The following ANKS1B variants were observed in gnomAD, a reference collection of about 807,000 sequenced individuals.
ANKS1B encodes ankyrin repeat and sterile alpha motif domain containing 1B.
In ANKS1B, 36 loss-of-function variants were observed where a neutral mutation model predicts 148.3. That is an observed-to-expected ratio of 0.24 (90% CI 0.19 to 0.32). The LOEUF is 0.32. Among genes scored for constraint, ANKS1B ranks in the 10% least tolerant of loss-of-function variants. The probability of loss-of-function intolerance (pLI) is 1.00; values close to 1 mark genes in which losing one functional copy is unlikely to be tolerated. For synonymous variants in ANKS1B, 542 were observed against 560.8 expected (o/e 0.97, Z 0.47); for missense variants, 1,157 against 1,542.6 (o/e 0.75, Z 4.19).
At chr12:99,902,679 T>A (rs906105551) in intron 1 of ANKS1B, among the ~76,000 whole-genome samples, 4 of 152,000 alleles carry the variant, frequency 2.6e-5, no homozygotes, top group African/African-American at 9.7e-5. Context: ...ACTACAAAGA[T>A]TAGGCAAAAG....
chr12:99,774,498 A>T (rs1383917495), intron 7 of ANKS1B, among the ~76,000 whole-genome samples: 1 of 152,100 alleles, frequency 6.6e-6, no homozygotes, highest in Admixed American at 6.6e-5. Flanking sequence ...GTTTCTGAGG[A>T]TGTGGAGAAA....
intron 9 of ANKS1B, among the ~76,000 whole-genome samples, chr12:99,559,569 A>G (rs2097311663): frequency 6.6e-6 from 1 of 152,172 alleles, no homozygotes; most frequent in African/African-American, 2.4e-5. Context: ...CTGAAAACCT[A>G]TTTTGTTGCA....
At chr12:99,894,307 G>GGGAA (rs2093279867) in intron 1 of ANKS1B, among the ~76,000 whole-genome samples, 1 of 74,948 alleles carries the variant, frequency 1.3e-5, no homozygotes, top group Non-Finnish European at 3.2e-5. Context: ...GAGGGAGGGA[G>GGGAA]GGAGGGAGGG....
At chr12:99,089,766 T>G (rs2053416731) in intron 15 of ANKS1B, among the ~76,000 whole-genome samples, 1 of 152,222 alleles carries the variant, frequency 6.6e-6, no homozygotes. Flanking sequence ...GCAACATTTC[T>G]TTATGGTGGG....
At chr12:98,827,576 A>G (rs546546507) in intron 19 of ANKS1B, among the ~76,000 whole-genome samples, 12 of 152,280 alleles carry the variant, frequency 7.9e-5, no homozygotes, top group Admixed American at 7.2e-4. Context: ...CCTGCTTTCG[A>G]AAACCTCAGG....
chr12:99,638,756 G>GC (rs1225665860), intron 9 of ANKS1B, among the ~76,000 whole-genome samples: 13 of 152,166 alleles, frequency 8.5e-5, no homozygotes, highest in African/African-American at 3.1e-4. Context: ...ATTCACAGCA[G>GC]CCCCTCCAAT....
intron 22 of ANKS1B, among the ~76,000 whole-genome samples, chr12:98,789,420 T>A (rs79141331): frequency 0.1 from 7,103 of 69,308 alleles, 519 homozygotes; most frequent in African/African-American, 0.31. Flanking sequence ...AGATGTATAG[T>A]TTTTTTTTTT....
intron 1 of ANKS1B, among the ~76,000 whole-genome samples, chr12:99,876,157 G>A (rs577191218): frequency 3.9e-5 from 6 of 152,106 alleles, no homozygotes; most frequent in Non-Finnish European, 7.4e-5. Flanking sequence ...CAACTTTTAC[G>A]TGATATTTAC....
chr12:98,819,900 A>G (rs2099170345), intron 19 of ANKS1B, among the ~76,000 whole-genome samples: 1 of 152,190 alleles, frequency 6.6e-6, no homozygotes, highest in African/African-American at 2.4e-5. Context: ...TACAGAAAGG[A>G]GGTCATATCA....
chr12:98,915,542 G>A (rs543846633), intron 17 of ANKS1B, among the ~76,000 whole-genome samples: 9 of 152,116 alleles, frequency 5.9e-5, no homozygotes, highest in East Asian at 1.9e-4. Context: ...TAGTAGGGAC[G>A]GGCTTTCACC....
At chr12:99,115,959 C>T (rs1178036034) in intron 15 of ANKS1B, among the ~76,000 whole-genome samples, 1 of 148,516 alleles carries the variant, frequency 6.7e-6, no homozygotes, top group East Asian at 2.0e-4. Flanking sequence ...AAAAAAGATG[C>T]TCTTAAGCTG....
chr12:99,685,563 G>A (rs1436273986), intron 8 of ANKS1B, among the ~76,000 whole-genome samples: 1 of 152,106 alleles, frequency 6.6e-6, no homozygotes, highest in East Asian at 1.9e-4. Flanking sequence ...GTTTGATCCA[G>A]CAATCCCACT....
rs1190028206 is a variant in ANKS1B at position 99,090,285 on chromosome 12, A to G, written c.2527-5262T>C. Among the ~76,000 whole-genome samples the G allele has an allele frequency of 2.0e-5, 3 of 152,170 alleles. No homozygotes were observed. The East Asian group carries it at 5.8e-4, about 29-fold the overall frequency. On this transcript the variant is annotated intron_variant, in intron 15 of 26. Coordinates refer to ENST00000683438, the MANE Select transcript of ANKS1B (RefSeq NM_001352186.2). Reference sequence around the variant, plus strand: ...TTTCTTGTAGTTTTTTAAACTTAATACGATATCTTATTCATTTAGCAAGCT... The same window carrying G: ...TTTCTTGTAGTTTTTTAAACTTAATGCGATATCTTATTCATTTAGCAAGCT...
intron 1 of ANKS1B, among the ~76,000 whole-genome samples, chr12:99,976,645 C>G (rs900966509): frequency 6.6e-6 from 1 of 152,174 alleles, no homozygotes; most frequent in African/African-American, 2.4e-5. Context: ...TAAAGCTACT[C>G]TCATAACACA....
chr12:99,502,511 C>T (rs1418905560), intron 10 of ANKS1B, among the ~76,000 whole-genome samples: 8 of 152,084 alleles, frequency 5.3e-5, no homozygotes, highest in African/African-American at 1.9e-4. Flanking sequence ...TATTTGATTC[C>T]TAATATCTAC....
At chr12:99,064,734 T>A (rs2043536390) in intron 16 of ANKS1B, among the ~76,000 whole-genome samples, 1 of 152,192 alleles carries the variant, frequency 6.6e-6, no homozygotes, top group East Asian at 1.9e-4. Context: ...AGGATCTGTG[T>A]GGGATGCAGA....
chr12:99,377,020 T>A (rs552563937), intron 12 of ANKS1B, among the ~76,000 whole-genome samples: 1 of 152,004 alleles, frequency 6.6e-6, no homozygotes, highest in East Asian at 1.9e-4. Flanking sequence ...CTATCTTTTT[T>A]TTTTTTGAGA....
In ANKS1B at chr12:99,133,021, G is replaced by GT. The variant is rs61255520; in HGVS notation, c.2526+21267dup. The stretch of plus-strand genomic sequence containing the variant: ...TATCTCTTAAGTATATGGCAACATG[G>GT]TTTTTTTTTTTCTTTTTTTTCTTTT... On this transcript the variant is annotated intron_variant, in intron 15 of 26. Transcript: ENST00000683438. 5.2e-3 allele frequency among the ~76,000 whole-genome samples: 731 copies of GT among 139,888 alleles called. 8 individuals are homozygous for GT. Among genetic ancestry groups the GT allele is most frequent in the African/African-American group, 0.017 (638 of 38,248 alleles). The allele number at this position is 139,888 out of a possible 152,430, so 91.8% of individuals were successfully genotyped here. A position where few individuals can be genotyped will look rare whatever the true frequency, so the allele number is the denominator to read the frequency against.
At position 99,557,974 on chromosome 12, in the gene ANKS1B, G is replaced by A. The variant is rs138645880; in HGVS notation, c.1273-53333C>T. On this transcript the variant is annotated intron_variant, in intron 9 of 26. Transcript: ENST00000683438. ...GCTGTGTGCTCTAACTCTTATGGGCGTTTACCATGCCCCCAGCTTTGTTCT... is the reference window on the plus strand; with the variant it reads ...GCTGTGTGCTCTAACTCTTATGGGCATTTACCATGCCCCCAGCTTTGTTCT... 2.2e-3 allele frequency among the ~76,000 whole-genome samples: 334 copies of A among 152,254 alleles called. 2 individuals carry two copies. The highest frequency in any genetic ancestry group is 0.012 in the East Asian group (64 of 5,176).
Sources: gnomAD v4.1 joint callset for allele counts (sites outside exome capture counted in the v4.1 genomes callset) on GRCh38, gnomAD v4.1.1 for gene constraint, MANE v1.5 for transcripts, NCBI Gene and HGNC (gene_info 2026-07-23, HGNC 2026-07-21) for gene names.